The following ELF2 variants were observed in gnomAD, a reference collection of about 807,000 sequenced individuals.
ELF2 encodes the protein E74 like ETS transcription factor 2.
ELF2 carries 11 observed loss-of-function variants against 54.8 expected under a neutral mutation model. The observed-to-expected ratio is 0.20, with a 90% CI of 0.13 to 0.33. The LOEUF (loss-of-function observed/expected upper bound fraction) is 0.33, where lower values mean the gene tolerates loss of function less well. ELF2 is among the 10% of genes least tolerant of loss of function. The probability of loss-of-function intolerance (pLI) is 1.00; values close to 1 mark genes in which losing one functional copy is unlikely to be tolerated. For synonymous variants in ELF2, 203 were observed against 245.1 expected (o/e 0.83, Z 1.61); for missense variants, 513 against 703.0 (o/e 0.73, Z 3.06).
chr4:139,127,247 G>C (rs1372972024), intron 3 of ELF2, among the ~76,000 whole-genome samples: 1 of 152,164 alleles, frequency 6.6e-6, no homozygotes, highest in East Asian at 1.9e-4. Flanking sequence ...AAAAGATACA[G>C]AACAGCGTTC....
intron 3 of ELF2, 53 bp downstream of exon 3, chr4:139,137,577 C>G (rs1738312580): frequency 3.9e-6 from 6 of 1,557,788 alleles, no homozygotes. Flanking sequence ...AAAATTAGTT[C>G]ATGCACAAAT....
intron 5 of ELF2, 65 bp from the exon 6 acceptor site, chr4:139,072,104 C>CA: frequency 6.6e-7 from 1 of 1,507,900 alleles, no homozygotes; most frequent in Non-Finnish European, 9.1e-7. Flanking sequence ...GTGGACAGTT[C>CA]AATATTTAGA....
intron 2 of ELF2, among the ~76,000 whole-genome samples, chr4:139,139,085 A>G (rs1002921382): frequency 6.6e-6 from 1 of 152,208 alleles, no homozygotes; most frequent in African/African-American, 2.4e-5. Flanking sequence ...ATCTGAAGAG[A>G]AAGTATATAG....
At chr4:139,084,439 G>GGCGGCA (rs1731709526) in intron 4 of ELF2, 3 of 1,001,734 alleles carry the variant, frequency 3.0e-6, no homozygotes, top group Admixed American at 8.7e-5. Flanking sequence ...CAGGGGCAGG[G>GGCGGCA]GCGGCGGCGG....
At position 139,073,582 on chromosome 4, in the gene ELF2, A is replaced by G. The variant is rs367769301; in HGVS notation, c.239-15T>C. 1.4e-6 allele frequency: 2 copies of G among 1,477,908 alleles called. No homozygotes were observed. Among genetic ancestry groups the G allele is most frequent in the Non-Finnish European group, 9.2e-7 (1 of 1,092,530 alleles). 91.5% of individuals were successfully genotyped at this position (1,477,908 alleles called of 1,614,324 possible). On this transcript the variant is annotated splice_polypyrimidine_tract_variant and intron_variant, in intron 4 of 9. Transcript: ENST00000686138. ...TGATGCTTCCACTGGAGGAAAAATAAGTTCTACTCAATTAAAAATACACTA... is the reference window on the plus strand; with the variant it reads ...TGATGCTTCCACTGGAGGAAAAATAGGTTCTACTCAATTAAAAATACACTA...
At chr4:139,169,031 T>C (rs948023593) in intron 1 of ELF2, among the ~76,000 whole-genome samples, 21 of 151,826 alleles carry the variant, frequency 1.4e-4, no homozygotes, top group African/African-American at 4.8e-4. Context: ...TGCCCGGGCA[T>C]GGTGGCTCAC....
chr4:139,150,217 A>T (rs1049994440), intron 1 of ELF2, among the ~76,000 whole-genome samples: 2 of 152,114 alleles, frequency 1.3e-5, no homozygotes, highest in Admixed American at 6.5e-5. Flanking sequence ...AATACAAAAA[A>T]TTAGCCCAGC....
At chr4:139,144,084 T>C (rs1030772137) in intron 1 of ELF2, among the ~76,000 whole-genome samples, 1 of 152,022 alleles carries the variant, frequency 6.6e-6, no homozygotes, top group Non-Finnish European at 1.5e-5. Flanking sequence ...ATGCAGGAAC[T>C]TAATGGAAAA....
chr4:139,114,521 C>CCACT (rs1368755660), intron 4 of ELF2, among the ~76,000 whole-genome samples: 1 of 138,288 alleles, frequency 7.2e-6, no homozygotes, highest in East Asian at 2.4e-4. Flanking sequence ...TGAGATCGCG[C>CCACT]CACTGCACTC....
chr4:139,107,938 T>C (rs906012495), intron 4 of ELF2, among the ~76,000 whole-genome samples: 2 of 151,554 alleles, frequency 1.3e-5, no homozygotes, highest in African/African-American at 4.9e-5. Flanking sequence ...CTTACCAAGT[T>C]GTGGAAGCTA....
intron 4 of ELF2, among the ~76,000 whole-genome samples, chr4:139,094,636 A>G (rs776796737): frequency 2.6e-5 from 4 of 152,210 alleles, no homozygotes; most frequent in Non-Finnish European, 2.9e-5. Context: ...ATAAATTTTA[A>G]TTATATACAA....
chr4:139,099,871 C>T (rs1486242045), intron 4 of ELF2, among the ~76,000 whole-genome samples: 2 of 152,150 alleles, frequency 1.3e-5, no homozygotes, highest in Non-Finnish European at 2.9e-5. Flanking sequence ...AGAATATCAG[C>T]CAAGGCCTCT....
chr4:139,133,973 G>A (rs1037911227), intron 3 of ELF2, among the ~76,000 whole-genome samples: 6 of 152,074 alleles, frequency 3.9e-5, no homozygotes, highest in East Asian at 3.9e-4. Context: ...CTTCTCAAAC[G>A]TGTGAGTCTT....
intron 4 of ELF2, among the ~76,000 whole-genome samples, chr4:139,088,712 C>A (rs758747240): frequency 2.2e-4 from 34 of 152,052 alleles, no homozygotes; most frequent in Admixed American, 1.1e-3. Flanking sequence ...ATGGTATTAT[C>A]CCCCCACTAG....
intron 4 of ELF2, among the ~76,000 whole-genome samples, chr4:139,093,787 C>T (rs1041624039): frequency 5.3e-5 from 8 of 151,848 alleles, no homozygotes; most frequent in Non-Finnish European, 8.8e-5. Context: ...CAAGTTGAAA[C>T]TTCAGATACA....
intron 1 of ELF2, among the ~76,000 whole-genome samples, chr4:139,170,054 C>T (rs1276576904): frequency 6.6e-6 from 1 of 152,002 alleles, no homozygotes; most frequent in Non-Finnish European, 1.5e-5. Context: ...TCTCACCATA[C>T]ACAGAAATTA....
intron 3 of ELF2, among the ~76,000 whole-genome samples, chr4:139,134,734 T>TG (rs1737955189): frequency 6.6e-6 from 1 of 151,308 alleles, no homozygotes; most frequent in Non-Finnish European, 1.5e-5. Flanking sequence ...AATATAGAAA[T>TG]GGGGGTCTCC....
chr4:139,058,637 C>A lies in ELF2; in HGVS notation c.*346G>T. 1 of 201,352 alleles carries A rather than the reference C, an allele frequency of 5.0e-6. No homozygotes were observed. Among genetic ancestry groups the A allele is most frequent in the Non-Finnish European group, 1.0e-5 (1 of 99,944 alleles). 12.5% of individuals were successfully genotyped at this position (201,352 alleles called of 1,614,324 possible). Reference sequence around the variant, plus strand: ...GTAACAATGAGATTACCCATCCCAACCCCTCCCACTGAAAACTATATAACC... The same window carrying A: ...GTAACAATGAGATTACCCATCCCAAACCCTCCCACTGAAAACTATATAACC... On this transcript the variant is annotated 3_prime_UTR_variant, in exon 10 of 10. Transcript: ENST00000686138.
chr4:139,129,252 C>G (rs535272021), intron 3 of ELF2, among the ~76,000 whole-genome samples: 2 of 152,276 alleles, frequency 1.3e-5, no homozygotes, highest in Admixed American at 6.5e-5. Context: ...ACTCTACTTT[C>G]AAGCGTCTCC....
Sources: allele counts gnomAD v4.1 joint callset (sites outside exome capture counted in the v4.1 genomes callset), GRCh38; gene constraint gnomAD v4.1.1; transcripts MANE v1.5; gene names NCBI Gene and HGNC (gene_info 2026-07-23, HGNC 2026-07-21).